PPA2: variants seen among roughly 807,000 people sequenced by gnomAD.
The protein encoded by PPA2 is inorganic pyrophosphatase 2, mitochondrial.
In PPA2, 48 loss-of-function variants were observed where a neutral mutation model predicts 49.5. The observed-to-expected ratio is 0.97, with a 90% CI of 0.77 to 1.23. PPA2 has a LOEUF of 1.23. Ranked by LOEUF, PPA2 falls within the 50% of genes most tolerant of loss-of-function variation. PPA2 has a pLI of 0.00. For synonymous variants in PPA2, 131 were observed against 139.9 expected, an observed-to-expected ratio of 0.94 and a Z score of 0.45; for missense variants, 429 against 410.1, an observed-to-expected ratio of 1.05 and a Z score of -0.40.
At chr4:105,395,586 A>G (rs1021412071) in intron 9 of PPA2, among the ~76,000 whole-genome samples, 1 of 152,222 alleles carries the variant, frequency 6.6e-6, no homozygotes, top group Non-Finnish European at 1.5e-5. Flanking sequence ...AACAATACTG[A>G]GGCCCTAAAA....
chr4:105,468,376 A>C (rs1475822625), intron 1 of PPA2, among the ~76,000 whole-genome samples: 1 of 152,198 alleles, frequency 6.6e-6, no homozygotes, highest in African/African-American at 2.4e-5. Context: ...CATCAAAACT[A>C]AGACAAAGTG....
intron 7 of PPA2, among the ~76,000 whole-genome samples, chr4:105,400,632 T>G (rs893374152): frequency 2.6e-5 from 4 of 152,118 alleles, no homozygotes; most frequent in Non-Finnish European, 4.4e-5. Flanking sequence ...TAAATAATTT[T>G]CTGTTGCTTA....
chr4:105,473,157 T>C (rs1406742325), intron 1 of PPA2, among the ~76,000 whole-genome samples: 1 of 152,018 alleles, frequency 6.6e-6, no homozygotes, highest in Non-Finnish European at 1.5e-5. Flanking sequence ...AGTGAAACAA[T>C]GGGGTACACG....
chr4:105,473,731 C>T, intron 1 of PPA2, 163 bp downstream of exon 1: 1 of 1,075,658 alleles, frequency 9.3e-7, no homozygotes, highest in Non-Finnish European at 1.4e-6. Flanking sequence ...TGACTCGGTG[C>T]GCGCTCCCGC....
chr4:105,438,274 T>C (rs979360950), intron 5 of PPA2, among the ~76,000 whole-genome samples: 6 of 152,180 alleles, frequency 3.9e-5, no homozygotes, highest in African/African-American at 1.4e-4. Context: ...TGCAAGTGGG[T>C]GGTATATGCA....
At chr4:105,458,647 C>A (rs1258776822) in intron 1 of PPA2, among the ~76,000 whole-genome samples, 4 of 151,636 alleles carry the variant, frequency 2.6e-5, no homozygotes. Context: ...CATGGCAAAA[C>A]CCCGTCTGTA....
intron 1 of PPA2, among the ~76,000 whole-genome samples, chr4:105,462,733 G>C (rs1382469953): frequency 6.6e-6 from 1 of 152,234 alleles, no homozygotes; most frequent in African/African-American, 2.4e-5. Context: ...GTGGGACTCA[G>C]TGGGAGGTAA....
chr4:105,458,578 T>A (rs547213896), intron 1 of PPA2, among the ~76,000 whole-genome samples: 1 of 151,928 alleles, frequency 6.6e-6, no homozygotes, highest in Non-Finnish European at 1.5e-5. Flanking sequence ...TTCCAGCATT[T>A]TGGGAGGCTG....
chr4:105,373,591 C>T (rs577883871), intron 10 of PPA2, among the ~76,000 whole-genome samples: 14 of 152,052 alleles, frequency 9.2e-5, no homozygotes, highest in African/African-American at 2.9e-4. Context: ...AGCAGCTTCT[C>T]GTTAACCTAA....
chr4:105,420,822 A>C lies in PPA2; in HGVS notation c.655+3374T>G, dbSNP rs1013543062. Among the ~76,000 whole-genome samples the C allele has an allele frequency of 2.6e-5, 4 of 152,364 alleles. No individual in the cohort carries two copies. In the South Asian group the frequency reaches 8.3e-4, roughly 32 times the overall value. On this transcript the variant is annotated intron_variant, in intron 7 of 11. Transcript: ENST00000341695. ...AGAAACCCGCAGGTGATAGCTATGC[A>C]GGAGGTTCAGAGAACAGTCTGTTCA...
chr4:105,445,624 A>G (rs1396294561), intron 5 of PPA2, among the ~76,000 whole-genome samples: 2 of 152,096 alleles, frequency 1.3e-5, no homozygotes, highest in Non-Finnish European at 2.9e-5. Flanking sequence ...AATAAATAAA[A>G]ATATAAAAAT....
Position 105,386,560 on chromosome 4 carries a change from C to T in PPA2, c.939+7G>A, listed in dbSNP as rs1164096777. 3 of 1,606,442 alleles carry T rather than the reference C, an allele frequency of 1.9e-6. No individual in the cohort carries two copies. In the South Asian group the frequency reaches 3.3e-5, roughly 18 times the overall value. ...ATTAAAGGATGTCTTGGATGTTTGCCCCTTACCGATTCAACTAATGATCTT... is the reference window on the plus strand; with the variant it reads ...ATTAAAGGATGTCTTGGATGTTTGCTCCTTACCGATTCAACTAATGATCTT... On this transcript the variant is annotated splice_region_variant and intron_variant, in intron 10 of 11. Transcript: ENST00000341695.
chr4:105,448,551 A>C (rs1468348024), intron 4 of PPA2, among the ~76,000 whole-genome samples: 1 of 151,568 alleles, frequency 6.6e-6, no homozygotes, highest in Non-Finnish European at 1.5e-5. Flanking sequence ...GGAAGTTCTT[A>C]TAGGTTCATT....
At chr4:105,413,760 G>A (rs545919829) in intron 7 of PPA2, among the ~76,000 whole-genome samples, 5 of 152,122 alleles carry the variant, frequency 3.3e-5, no homozygotes, top group African/African-American at 9.6e-5. Context: ...TTCAAGACTC[G>A]ATTGTAAAGA....
intron 9 of PPA2, among the ~76,000 whole-genome samples, chr4:105,394,105 G>A (rs1050238953): frequency 3.3e-5 from 5 of 152,136 alleles, no homozygotes; most frequent in Admixed American, 2.0e-4. Context: ...GGTGGCTCAC[G>A]CCTGTAATTC....
chr4:105,369,672 A>ACGTGGGGAAAAAGAGT lies in PPA2; in HGVS notation c.*52_*53insACTCTTTTTCCCCACG. 6.7e-7 allele frequency: 1 copy of ACGTGGGGAAAAAGAGT among 1,499,234 alleles called. No homozygotes were observed. The highest frequency in any genetic ancestry group is 9.3e-7 in the Non-Finnish European group (1 of 1,076,506). 92.9% of individuals were successfully genotyped at this position (1,499,234 alleles called of 1,614,324 possible). ...GCTCATAGACCCCCTTGTCTCTAGC[A>ACGTGGGGAAAAAGAGT]CTTGGAGTCCTTAGAGATGGGAATC... On this transcript the variant is annotated 3_prime_UTR_variant, in exon 12 of 12. Coordinates refer to ENST00000341695, the MANE Select transcript of PPA2 (RefSeq NM_176869.3).
chr4:105,450,095 G>A (rs1722602425), intron 3 of PPA2, among the ~76,000 whole-genome samples: 1 of 151,764 alleles, frequency 6.6e-6, no homozygotes, highest in Admixed American at 6.6e-5. Flanking sequence ...GGAGACCCTA[G>A]GTCAATGATG....
intron 7 of PPA2, chr4:105,405,999 T>C (rs1722453714): frequency 8.3e-6 from 2 of 240,170 alleles, no homozygotes; most frequent in Non-Finnish European, 1.7e-5. Context: ...ATGTGACCTA[T>C]GCAAACAAGA....
In PPA2 at chr4:105,439,010, TA is replaced by T. The variant is rs970996079; in HGVS notation, c.442-975del. On this transcript the variant is annotated intron_variant, in intron 5 of 11. Coordinates refer to ENST00000341695, the MANE Select transcript of PPA2 (RefSeq NM_176869.3). The stretch of plus-strand genomic sequence containing the variant: ...GAAATAACCTGGCCTAACTTTATCT[TA>T]AAAAAAAAAATCAATAAATGAAGTC... 2.3e-3 allele frequency among the ~76,000 whole-genome samples: 335 copies of T among 147,316 alleles called. 1 individual carries two copies. Among genetic ancestry groups the T allele is most frequent in the African/African-American group, 6.0e-3 (244 of 40,508 alleles).
Sources: allele counts gnomAD v4.1 joint callset (sites outside exome capture counted in the v4.1 genomes callset), GRCh38; gene constraint gnomAD v4.1.1; transcripts MANE v1.5; gene names NCBI Gene and HGNC (gene_info 2026-07-23, HGNC 2026-07-21).